SYNPO2: variants seen among roughly 807,000 people sequenced by gnomAD.
SYNPO2 encodes the protein synaptopodin 2.
A neutral mutation model predicts 85.0 loss-of-function variants in SYNPO2; 56 were observed. The ratio of observed to expected loss-of-function variants is 0.66; its 90% CI spans 0.53 to 0.82. SYNPO2 has a LOEUF of 0.82. SYNPO2 is among the 40% of genes least tolerant of loss of function. SYNPO2 has a pLI of 0.00. For synonymous variants in SYNPO2, 602 were observed against 591.1 expected, an observed-to-expected ratio of 1.02 and a Z score of -0.27; for missense variants, 1,575 against 1,534.2, an observed-to-expected ratio of 1.03 and a Z score of -0.44.
rs1019020334 is a variant in SYNPO2, at chr4:119,030,242, C to G, written c.1467C>G (p.Gly489=). The G allele has an allele frequency of 3.7e-6, 6 of 1,613,816 alleles. No homozygotes were observed. The Admixed American group carries it at 5.0e-5, about 13-fold the overall frequency. ...TGGAGATGTTACCAGACACCACAGG[C>G]AAGGGAGCCCTCATGTTTGCCAAGA... The part of the protein sequence containing the change: ...DKMEMLPDTT[G]KGALMFAKRR... Residue 489 remains glycine (G), a synonymous_variant, in exon 4 of 5, where the codon GGC becomes GGG. Transcript: ENST00000307142.
intron 1 of SYNPO2, among the ~76,000 whole-genome samples, chr4:118,889,899 A>C (rs1732305936): frequency 6.6e-6 from 1 of 152,220 alleles, no homozygotes; most frequent in South Asian, 2.1e-4. Context: ...GGGATCTGGT[A>C]TTCTCTAATT....
intron 1 of SYNPO2, among the ~76,000 whole-genome samples, chr4:118,928,884 C>T (rs1203074592): frequency 6.6e-6 from 1 of 152,112 alleles, no homozygotes; most frequent in Non-Finnish European, 1.5e-5. Flanking sequence ...TGAACTAAGC[C>T]ACAATCCACA....
At chr4:119,044,533 T>G (rs1410083737) in intron 4 of SYNPO2, among the ~76,000 whole-genome samples, 2 of 152,190 alleles carry the variant, frequency 1.3e-5, no homozygotes, top group African/African-American at 4.8e-5. Context: ...ATTTTATTTT[T>G]ATTTATTTTA....
chr4:118,941,885 G>C (rs994165489), intron 1 of SYNPO2, among the ~76,000 whole-genome samples: 2 of 152,230 alleles, frequency 1.3e-5, no homozygotes, highest in Admixed American at 6.5e-5. Flanking sequence ...CCGTAGGAAA[G>C]GCAAGGCGAG....
At chr4:119,015,537 C>G (rs1214677791) in intron 1 of SYNPO2, among the ~76,000 whole-genome samples, 1 of 152,108 alleles carries the variant, frequency 6.6e-6, no homozygotes, top group East Asian at 1.9e-4. Flanking sequence ...AAAAGCAATA[C>G]AAGCAAGGTA....
intron 1 of SYNPO2, among the ~76,000 whole-genome samples, chr4:118,916,326 C>A (rs543237002): frequency 3.9e-5 from 6 of 151,974 alleles, no homozygotes; most frequent in Non-Finnish European, 8.8e-5. Context: ...GCACGCACCA[C>A]CACACCCAGC....
rs70944826 is a variant in SYNPO2, at chr4:119,026,806, AAAG to A, written c.441_443del (p.Arg147del). On this transcript the variant is annotated inframe_deletion, in exon 3 of 5. Coordinates refer to ENST00000307142, the MANE Select transcript of SYNPO2 (RefSeq NM_133477.3). ...ACTGAAGTTCCCCTAGCTGAGAACCAAAGAAGTGGTCCCGACTGTGCAGGCAGC... is the reference window on the plus strand; with the variant it reads ...ACTGAAGTTCCCCTAGCTGAGAACCAAAGTGGTCCCGACTGTGCAGGCAGC... 612,713 of 1,613,620 alleles carry A rather than the reference AAAG, an allele frequency of 0.38. 118,121 individuals are homozygous for A. The highest frequency in any genetic ancestry group is 0.48 in the East Asian group (21,544 of 44,822).
rs777975212 is a variant in SYNPO2, at chr4:119,027,235, A to T, written c.866A>T (p.Asp289Val). 1.9e-6 allele frequency: 3 copies of T among 1,614,140 alleles called. No homozygotes were observed. In the South Asian group the frequency reaches 3.3e-5, roughly 18 times the overall value. ...AGLPRVEVIL[D>V]CSDRQKTEGC... ...CTGCCCCGGGTGGAAGTGATCCTCG[A>T]CTGCTCTGACAGGCAGAAGACAGAA... Residue 289 changes from aspartate to valine, a missense_variant, in exon 3 of 5, where the codon GAC (aspartate) becomes GTC (valine). Coordinates refer to ENST00000307142, the MANE Select transcript of SYNPO2 (RefSeq NM_133477.3).
chr4:118,907,666 C>T (rs895942270), intron 1 of SYNPO2, among the ~76,000 whole-genome samples: 1 of 152,030 alleles, frequency 6.6e-6, no homozygotes, highest in Non-Finnish European at 1.5e-5. Context: ...CTGTAAACCC[C>T]TAAAATAACT....
intron 1 of SYNPO2, among the ~76,000 whole-genome samples, chr4:118,897,853 A>G (rs1732598999): frequency 6.6e-6 from 1 of 152,332 alleles, no homozygotes; most frequent in Non-Finnish European, 1.5e-5. Context: ...TAGGACGGGA[A>G]GACAGCATCT....
intron 1 of SYNPO2, among the ~76,000 whole-genome samples, chr4:118,936,934 A>G (rs1261474113): frequency 6.6e-6 from 1 of 152,134 alleles, no homozygotes; most frequent in Non-Finnish European, 1.5e-5. Context: ...AGTCTTGTAC[A>G]TCAAATCTAC....
At chr4:118,868,542 A>G (rs1000353720) in intron 1 of SYNPO2, among the ~76,000 whole-genome samples, 1 of 152,186 alleles carries the variant, frequency 6.6e-6, no homozygotes, top group Non-Finnish European at 1.5e-5. Context: ...TTTGAAAGAC[A>G]TTTTAAATCA....
chr4:118,897,201 G>A (rs1338323987), intron 1 of SYNPO2, among the ~76,000 whole-genome samples: 1 of 152,004 alleles, frequency 6.6e-6, no homozygotes, highest in Admixed American at 6.6e-5. Context: ...AGAGTGAGTC[G>A]GGGACTGCCA....
chr4:118,929,647 C>T lies in SYNPO2; in HGVS notation c.105+40506C>T, dbSNP rs922858830. Among the ~76,000 whole-genome samples the T allele has an allele frequency of 6.6e-5, 10 of 151,906 alleles. No individual in the cohort carries two copies. In the South Asian group the frequency reaches 1.0e-3, roughly 16 times the overall value. On this transcript the variant is annotated intron_variant, in intron 1 of 4. Transcript: ENST00000307142. The stretch of plus-strand genomic sequence containing the variant: ...TTTTTTTTTGTTGTACAAATAGAGT[C>T]GCTCAATTATCTCCCAAGGCTCTAC...
chr4:118,933,166 G>T (rs1733986999), intron 1 of SYNPO2, among the ~76,000 whole-genome samples: 1 of 152,162 alleles, frequency 6.6e-6, no homozygotes, highest in African/African-American at 2.4e-5. Flanking sequence ...TTACAAATAT[G>T]CTGGCAAAGT....
intron 1 of SYNPO2, among the ~76,000 whole-genome samples, chr4:118,869,374 T>C (rs1731760765): frequency 6.6e-6 from 1 of 152,182 alleles, no homozygotes; most frequent in South Asian, 2.1e-4. Context: ...GTTAGAAGTG[T>C]AAGAATTATT....
chr4:118,921,060 A>G (rs1158287420), intron 1 of SYNPO2, among the ~76,000 whole-genome samples: 1 of 151,972 alleles, frequency 6.6e-6, no homozygotes, highest in Non-Finnish European at 1.5e-5. Flanking sequence ...GCGCATCAAC[A>G]CGCATGGCTA....
At chr4:119,007,244 ATG>A (rs1397522270) in intron 1 of SYNPO2, among the ~76,000 whole-genome samples, 1,785 of 35,554 alleles carry the variant, frequency 0.05, 93 homozygotes, top group Middle Eastern at 0.086. Flanking sequence ...ATATATATAT[ATG>A]TATATACATA....
intron 1 of SYNPO2, among the ~76,000 whole-genome samples, chr4:118,878,229 G>A (rs1273354237): frequency 2.6e-5 from 4 of 152,086 alleles, no homozygotes; most frequent in African/African-American, 9.7e-5. Context: ...GGTGAAGGGT[G>A]AGGATTGAAA....
Sources: gnomAD v4.1 joint callset for allele counts (sites outside exome capture counted in the v4.1 genomes callset) on GRCh38, gnomAD v4.1.1 for gene constraint, MANE v1.5 for transcripts, NCBI Gene and HGNC (gene_info 2026-07-23, HGNC 2026-07-21) for gene names.